Variants in TMEM163 observed in about 807,000 individuals in gnomAD.
TMEM163 encodes the protein transmembrane protein 163.
Under a neutral mutation model 29.3 loss-of-function variants are expected in TMEM163, and 17 were observed. The ratio of observed to expected loss-of-function variants is 0.58; its 90% CI spans 0.40 to 0.87. The LOEUF (loss-of-function observed/expected upper bound fraction) is 0.87. Ranked by LOEUF, TMEM163 falls within the 40% of genes least tolerant of loss-of-function variation. The probability of loss-of-function intolerance (pLI) is 0.00; values close to 1 mark genes in which losing one functional copy is unlikely to be tolerated. For synonymous variants in TMEM163, 157 were observed against 160.6 expected, an observed-to-expected ratio of 0.98 and a Z score of 0.17; for missense variants, 303 against 381.5, an observed-to-expected ratio of 0.79 and a Z score of 1.71.
intron 2 of TMEM163, among the ~76,000 whole-genome samples, chr2:134,624,633 G>A (rs1471356738): frequency 6.6e-6 from 1 of 152,168 alleles, no homozygotes; most frequent in African/African-American, 2.4e-5. Context: ...AAACAGCTAG[G>A]TGGAGTGGCT....
chr2:134,675,814 C>T (rs1277935368), intron 2 of TMEM163, among the ~76,000 whole-genome samples: 1 of 152,156 alleles, frequency 6.6e-6, no homozygotes, highest in East Asian at 1.9e-4. Context: ...AGCAGAAAGG[C>T]CATGCAAAAG....
chr2:134,684,859 G>C (rs1684320218), intron 2 of TMEM163, among the ~76,000 whole-genome samples: 1 of 150,878 alleles, frequency 6.6e-6, no homozygotes, highest in Non-Finnish European at 1.5e-5. Flanking sequence ...GGAGGCGGAG[G>C]TTGCAGTGAG....
intron 2 of TMEM163, among the ~76,000 whole-genome samples, chr2:134,636,046 C>T (rs1361864014): frequency 6.6e-6 from 1 of 152,196 alleles, no homozygotes; most frequent in Non-Finnish European, 1.5e-5. Context: ...CTCATCCTGG[C>T]CACCCTTCCT....
intron 3 of TMEM163, 44 bp downstream of exon 3, chr2:134,552,004 A>G (rs1188430903): frequency 6.3e-7 from 1 of 1,593,220 alleles, no homozygotes; most frequent in South Asian, 1.1e-5. Context: ...GGGCTTATGA[A>G]AAAACGTGCA....
intron 5 of TMEM163, among the ~76,000 whole-genome samples, chr2:134,481,383 G>GT (rs1053056857): frequency 6.6e-6 from 1 of 151,154 alleles, no homozygotes; most frequent in African/African-American, 2.4e-5. Flanking sequence ...ATCATGGGGG[G>GT]GGGGGGAGCT....
chr2:134,516,685 G>T (rs7583847), intron 4 of TMEM163, among the ~76,000 whole-genome samples: 86,133 of 140,832 alleles, frequency 0.61, 28,295 homozygotes, highest in East Asian at 0.95. Flanking sequence ...ATACATATAT[G>T]CATATATATG....
intron 2 of TMEM163, among the ~76,000 whole-genome samples, chr2:134,644,236 T>G (rs1268982879): frequency 5.3e-5 from 8 of 152,092 alleles, no homozygotes; most frequent in Non-Finnish European, 1.2e-4. Context: ...CCAGAGAGAT[T>G]TTTTTTCTAG....
chr2:134,524,885 A>G (rs904458547), intron 4 of TMEM163, among the ~76,000 whole-genome samples: 3 of 150,316 alleles, frequency 2.0e-5, no homozygotes, highest in Non-Finnish European at 3.0e-5. Context: ...GTATATACCC[A>G]GTAATGGGAT....
intron 2 of TMEM163, among the ~76,000 whole-genome samples, chr2:134,696,582 A>T (rs932589679): frequency 6.6e-6 from 1 of 152,030 alleles, no homozygotes; most frequent in Non-Finnish European, 1.5e-5. Context: ...GCATTTTATA[A>T]TTTTCTTCAT....
chr2:134,630,200 T>C (rs928214410), intron 2 of TMEM163, among the ~76,000 whole-genome samples: 1 of 151,896 alleles, frequency 6.6e-6, no homozygotes, highest in African/African-American at 2.4e-5. Flanking sequence ...ATCTGTACAA[T>C]AGGAATAATA....
chr2:134,671,407 A>G (rs934994766), intron 2 of TMEM163, among the ~76,000 whole-genome samples: 2 of 152,044 alleles, frequency 1.3e-5, no homozygotes, highest in Non-Finnish European at 2.9e-5. Flanking sequence ...GCCACAGATG[A>G]CCATGGCGCT....
At chr2:134,704,115 T>A (rs1283170377) in intron 2 of TMEM163, among the ~76,000 whole-genome samples, 1 of 152,128 alleles carries the variant, frequency 6.6e-6, no homozygotes, top group Non-Finnish European at 1.5e-5. Context: ...ATGGGACACC[T>A]ACTGGGCCTT....
Position 134,677,655 on chromosome 2 carries a change from G to A in TMEM163, c.322+35545C>T, listed in dbSNP as rs151238016. ...ACCATAGCTATACGTTTCTTAAAAT[G>A]GATTAAGATTGTAGGAATGAACAAA... On this transcript the variant is annotated intron_variant, in intron 2 of 7. Coordinates refer to ENST00000281924, the MANE Select transcript of TMEM163 (RefSeq NM_030923.5). Among the ~76,000 whole-genome samples the A allele has an allele frequency of 3.0e-4, 46 of 152,238 alleles. No individual in the cohort carries two copies. The East Asian group carries it at 8.7e-3, about 29-fold the overall frequency.
At chr2:134,656,201 C>T (rs1683606836) in intron 2 of TMEM163, among the ~76,000 whole-genome samples, 1 of 146,598 alleles carries the variant, frequency 6.8e-6, no homozygotes, top group Admixed American at 6.7e-5. Context: ...ATCAGCGAGA[C>T]TCCGTGGGCG....
chr2:134,631,704 C>A (rs1682975225), intron 2 of TMEM163, among the ~76,000 whole-genome samples: 1 of 152,224 alleles, frequency 6.6e-6, no homozygotes, highest in Admixed American at 6.5e-5. Context: ...TGGCTAAAGA[C>A]AATAATATTT....
intron 2 of TMEM163, among the ~76,000 whole-genome samples, chr2:134,567,440 C>G (rs1003726165): frequency 4.6e-5 from 7 of 152,188 alleles, no homozygotes; most frequent in Non-Finnish European, 8.8e-5. Context: ...ACCAGTAATT[C>G]CAGCACTTTG....
intron 2 of TMEM163, among the ~76,000 whole-genome samples, chr2:134,613,618 GA>G (rs1014155238): frequency 6.0e-5 from 9 of 151,172 alleles, no homozygotes; most frequent in African/African-American, 2.2e-4. Flanking sequence ...GGTGCTGACA[GA>G]AAAAAAACAA....
At chr2:134,639,753 T>G (rs577320623) in intron 2 of TMEM163, among the ~76,000 whole-genome samples, 2 of 152,348 alleles carry the variant, frequency 1.3e-5, no homozygotes, top group South Asian at 4.1e-4. Context: ...GCCCAGCGTA[T>G]TAGATACTTT....
intron 2 of TMEM163, among the ~76,000 whole-genome samples, chr2:134,585,712 A>G (rs999078513): frequency 6.7e-6 from 1 of 150,230 alleles, no homozygotes; most frequent in Non-Finnish European, 1.5e-5. Flanking sequence ...ACTGCACTCC[A>G]GCCTGGGCGA....
Sources: allele counts gnomAD v4.1 joint callset (sites outside exome capture counted in the v4.1 genomes callset), GRCh38; gene constraint gnomAD v4.1.1; transcripts MANE v1.5; gene names NCBI Gene and HGNC (gene_info 2026-07-23, HGNC 2026-07-21).